The following PYHIN1 variants were observed in gnomAD, a reference collection of about 807,000 sequenced individuals.
PYHIN1 encodes pyrin and HIN domain-containing protein 1.
In PYHIN1, 32 loss-of-function variants were observed where a neutral mutation model predicts 43.7. That is an observed-to-expected ratio of 0.73 (90% CI 0.55 to 0.98). The LOEUF (loss-of-function observed/expected upper bound fraction) is 0.98. Among genes scored for constraint, PYHIN1 ranks in the 50% least tolerant of loss-of-function variants. The pLI, the probability that PYHIN1 is intolerant of heterozygous loss-of-function variation, is 0.00. For missense variants in PYHIN1, 588 were observed against 589.5 expected (o/e 1.00, Z 0.03); for synonymous variants, 205 against 203.1 (o/e 1.01, Z -0.08).
At chr1:158,939,353 C>A in intron 4 of PYHIN1, 106 bp downstream of exon 4, 1 of 1,594,928 alleles carries the variant, frequency 6.3e-7, no homozygotes, top group South Asian at 1.1e-5. Context: ...GCCAGTAAAT[C>A]AAATGTATAG....
chr1:158,945,569 G>T (rs1649175498), intron 7 of PYHIN1, among the ~76,000 whole-genome samples: 1 of 152,194 alleles, frequency 6.6e-6, no homozygotes, highest in Non-Finnish European at 1.5e-5. Context: ...AATGATACAA[G>T]ATAGCAGAAC....
intron 7 of PYHIN1, among the ~76,000 whole-genome samples, chr1:158,959,128 C>T (rs1052932431): frequency 6.6e-6 from 1 of 151,780 alleles, no homozygotes; most frequent in African/African-American, 2.4e-5. Context: ...CCCTTTGCAG[C>T]GTTCCTCACA....
intron 7 of PYHIN1, among the ~76,000 whole-genome samples, chr1:158,957,864 A>G (rs995457724): frequency 3.3e-5 from 5 of 149,992 alleles, no homozygotes; most frequent in African/African-American, 1.2e-4. Context: ...CATCTGACAA[A>G]GGGCTAATAT....
At chr1:158,953,193 C>A (rs1275884421) in intron 7 of PYHIN1, among the ~76,000 whole-genome samples, 2 of 18,542 alleles carry the variant, frequency 1.1e-4, no homozygotes, top group East Asian at 0.25. Flanking sequence ...CCGCCATTGC[C>A]CAGGCTTATT....
downstream of PYHIN1, among the ~76,000 whole-genome samples, chr1:158,980,781 G>A (rs542249298): frequency 6.6e-5 from 10 of 152,210 alleles, no homozygotes; most frequent in East Asian, 3.9e-4. Flanking sequence ...CCTTTGTCCC[G>A]TTCCCTCAGA....
At position 158,933,205 on chromosome 1, in the gene PYHIN1, CAT is replaced by C. The variant is rs967526408; in HGVS notation, c.-21+1430_-21+1431del. On this transcript the variant is annotated intron_variant, in intron 1 of 8. Coordinates refer to ENST00000368140, the MANE Select transcript of PYHIN1 (RefSeq NM_152501.5). This position sits in a 1 kb window ranked among gnomAD's most constrained non-coding sequence, Gnocchi z 6.3. ...TTATGTGTGTATGTGATCATGCATA[CAT>C]GTTTCCAAACATAAACATACACATA... is the stretch of plus-strand genomic sequence containing the variant. Among the ~76,000 whole-genome samples, 5 of 151,580 alleles carry C rather than the reference CAT, an allele frequency of 3.3e-5. 1 individual carries two copies. The highest frequency in any genetic ancestry group is 4.2e-4 in the South Asian group (2 of 4,816).
At chr1:158,972,807 A>T (rs1651009063) in intron 7 of PYHIN1, among the ~76,000 whole-genome samples, 1 of 152,112 alleles carries the variant, frequency 6.6e-6, no homozygotes, top group African/African-American at 2.4e-5. Context: ...AAGACAGATC[A>T]TCTCTTTGTG....
chr1:158,954,358 C>T (rs1288150672), intron 7 of PYHIN1, among the ~76,000 whole-genome samples: 3 of 44,432 alleles, frequency 6.8e-5, no homozygotes, highest in African/African-American at 1.4e-4. Flanking sequence ...AGAGAAAGGT[C>T]GGGTTACCCT....
At chr1:158,939,517 T>C in intron 4 of PYHIN1, 9 of 1,550,714 alleles carry the variant, frequency 5.8e-6, no homozygotes, top group East Asian at 2.4e-5. Context: ...AGACTCACTG[T>C]CTACTGCCCC....
chr1:158,958,849 T>C (rs1439360803), intron 7 of PYHIN1, among the ~76,000 whole-genome samples: 2 of 150,480 alleles, frequency 1.3e-5, no homozygotes, highest in Non-Finnish European at 1.5e-5. Context: ...TGCCTTCTTT[T>C]AAGAACCATG....
At chr1:158,940,623 T>C (rs1354581143) in intron 4 of PYHIN1, among the ~76,000 whole-genome samples, 1 of 152,200 alleles carries the variant, frequency 6.6e-6, no homozygotes, top group Non-Finnish European at 1.5e-5. Flanking sequence ...ATATTTCTGA[T>C]ACACAATAAA....
At chr1:158,963,890 G>T (rs988296105) in intron 7 of PYHIN1, among the ~76,000 whole-genome samples, 1 of 152,134 alleles carries the variant, frequency 6.6e-6, no homozygotes, top group Non-Finnish European at 1.5e-5. Context: ...AGGCTGAAAT[G>T]GCTGAAATGA....
Position 158,953,191 on chromosome 1 carries a change from G to A in PYHIN1, c.1359+8149G>A, listed in dbSNP as rs1212697716. On this transcript the variant is annotated intron_variant, in intron 7 of 8. Coordinates refer to ENST00000368140, the MANE Select transcript of PYHIN1 (RefSeq NM_152501.5). ...GGCTGGGGGAGGGGCGCCCGCCATT[G>A]CCCAGGCTTATTAGGTAAACAAAGC... Among the ~76,000 whole-genome samples the A allele has an allele frequency of 3.2e-4, 6 of 18,672 alleles. 1 individual carries two copies. In the South Asian group the frequency reaches 0.17, roughly 519 times the overall value. 12.2% of individuals were successfully genotyped at this position (18,672 alleles called of 152,430 possible). A position where few individuals can be genotyped will look rare whatever the true frequency, so the allele number is the denominator to read the frequency against.
chr1:158,978,764 G>A (rs856132), downstream of PYHIN1, among the ~76,000 whole-genome samples: 133,320 of 152,110 alleles, frequency 0.88, 59,924 homozygotes, highest in Middle Eastern at 0.98. Flanking sequence ...TCTTCCACCC[G>A]AAAGAATTAG....
chr1:158,940,238 TAA>T (rs898876590), intron 4 of PYHIN1: 16 of 56,484 alleles, frequency 2.8e-4, no homozygotes, highest in Non-Finnish European at 2.7e-4. Context: ...AATAAAAAAG[TAA>T]AAAAAAAAAA....
intron 7 of PYHIN1, among the ~76,000 whole-genome samples, chr1:158,948,474 C>A (rs7547305): frequency 0.11 from 16,894 of 152,188 alleles, 1,086 homozygotes; most frequent in Non-Finnish European, 0.12. Context: ...CCCCCAGTTG[C>A]AGTTTCATTG....
At chr1:158,973,568 T>C in intron 7 of PYHIN1, 79 bp from the exon 8 acceptor site, 13 of 1,467,562 alleles carry the variant, frequency 8.9e-6, no homozygotes, top group South Asian at 1.2e-5. Context: ...CCAACTTATA[T>C]AGGAAAATAT....
At chr1:158,943,013 G>T (rs1388319587) in intron 5 of PYHIN1, among the ~76,000 whole-genome samples, 1 of 152,136 alleles carries the variant, frequency 6.6e-6, no homozygotes, top group Non-Finnish European at 1.5e-5. Context: ...CGCAAAAAAA[G>T]AGCAGAAAAA....
At chr1:158,959,808 A>G (rs1009684595) in intron 7 of PYHIN1, among the ~76,000 whole-genome samples, 1 of 152,162 alleles carries the variant, frequency 6.6e-6, no homozygotes, top group Admixed American at 6.5e-5. Context: ...GATGGTAGGT[A>G]GAGTCTACCC....
Sources: gnomAD v4.1 joint callset for allele counts (sites outside exome capture counted in the v4.1 genomes callset) on GRCh38, gnomAD v4.1.1 for gene constraint, Gnocchi (gnomAD v3.1) non-coding constraint, MANE v1.5 for transcripts, NCBI Gene and HGNC (gene_info 2026-07-23, HGNC 2026-07-21) for gene names.